The following NUDCD3 variants were observed in gnomAD, a reference collection of about 807,000 sequenced individuals.
NUDCD3 encodes NudC domain containing 3, also known as nudC domain-containing protein 3.
In NUDCD3, 13 loss-of-function variants were observed where a neutral mutation model predicts 39.7. The ratio of observed to expected loss-of-function variants is 0.33; its 90% CI spans 0.21 to 0.52. The LOEUF is 0.52. NUDCD3 is among the 20% of genes least tolerant of loss of function. The pLI is 0.96. For synonymous variants in NUDCD3, 175 were observed against 172.4 expected (o/e 1.02, Z -0.12); for missense variants, 453 against 458.1 (o/e 0.99, Z 0.10).
intron 2 of NUDCD3, among the ~76,000 whole-genome samples, chr7:44,449,313 A>T (rs931987049): frequency 1.3e-5 from 2 of 152,226 alleles, no homozygotes; most frequent in Non-Finnish European, 1.5e-5. Flanking sequence ...GGCATCAAAT[A>T]TCAGAGGAGA....
chr7:44,455,445 T>C (rs898096538), intron 2 of NUDCD3, among the ~76,000 whole-genome samples: 2 of 152,000 alleles, frequency 1.3e-5, no homozygotes, highest in African/African-American at 4.8e-5. Context: ...CACTGCATCC[T>C]CCCAGCCAGT....
At chr7:44,409,683 A>G (rs1263506984) in intron 3 of NUDCD3, among the ~76,000 whole-genome samples, 1 of 152,234 alleles carries the variant, frequency 6.6e-6, no homozygotes, top group African/African-American at 2.4e-5. Flanking sequence ...AGCAGAAAAC[A>G]GTCTCTAAAT....
At chr7:44,488,531 C>T (rs1800665462) in intron 1 of NUDCD3, among the ~76,000 whole-genome samples, 1 of 151,970 alleles carries the variant, frequency 6.6e-6, no homozygotes, top group South Asian at 2.1e-4. Context: ...TCTTCTCTCT[C>T]CCTCGGACCA....
At chr7:44,478,577 T>G (rs907847344) in intron 2 of NUDCD3, among the ~76,000 whole-genome samples, 1 of 152,096 alleles carries the variant, frequency 6.6e-6, no homozygotes, top group African/African-American at 2.4e-5. Flanking sequence ...ATAGGTTCCT[T>G]TAAGCCCTGG....
At chr7:44,404,855 T>G (rs1248641881) in intron 3 of NUDCD3, among the ~76,000 whole-genome samples, 1 of 152,168 alleles carries the variant, frequency 6.6e-6, no homozygotes, top group African/African-American at 2.4e-5. Context: ...TGTGACCCAA[T>G]CTTCTTCTCC....
chr7:44,400,775 C>T (rs1410564809), intron 4 of NUDCD3, among the ~76,000 whole-genome samples: 1 of 152,194 alleles, frequency 6.6e-6, no homozygotes, highest in African/African-American at 2.4e-5. Flanking sequence ...GCCCTATCTT[C>T]TCATGGCCTT....
At chr7:44,433,194 T>C (rs554234909) in intron 2 of NUDCD3, among the ~76,000 whole-genome samples, 1 of 152,300 alleles carries the variant, frequency 6.6e-6, no homozygotes, top group African/African-American at 2.4e-5. Context: ...CTGTGAGAAG[T>C]AAATTTCTCA....
At chr7:44,408,215 G>C (rs1798863979) in intron 3 of NUDCD3, among the ~76,000 whole-genome samples, 1 of 152,092 alleles carries the variant, frequency 6.6e-6, no homozygotes, top group Non-Finnish European at 1.5e-5. Flanking sequence ...TAAAATAAAT[G>C]CATTTTAAGA....
chr7:44,442,346 T>C (rs1330489630), intron 2 of NUDCD3, among the ~76,000 whole-genome samples: 2 of 152,204 alleles, frequency 1.3e-5, no homozygotes, highest in Non-Finnish European at 2.9e-5. Flanking sequence ...AAAAGGTCAA[T>C]GCACAGCTGC....
rs1051636815 is a variant in NUDCD3, at chr7:44,392,362, C to T, written c.910G>A (p.Val304Met). 1.2e-6 allele frequency: 2 copies of T among 1,614,216 alleles called. No individual in the cohort carries two copies. The highest frequency in any genetic ancestry group is 1.7e-4 in the Middle Eastern group (1 of 6,060). ...TAGTCAAAGGTAAGCCTGTCCAACACCGCCTGTTCCTCCTCATCCACGGTG... is the reference window on the plus strand; with the variant it reads ...TAGTCAAAGGTAAGCCTGTCCAACATCGCCTGTTCCTCCTCATCCACGGTG... The part of the protein sequence containing the change: ...MATVDEEEQA[V>M]LDRLTFDYHQ... Residue 304 changes from valine to methionine, a missense_variant, in exon 5 of 6, where the codon GTG becomes ATG. By Grantham distance (21) the Val-to-Met change is conservative. Transcript: ENST00000355451.
At chr7:44,472,256 AAAT>A (rs1280503052) in intron 2 of NUDCD3, among the ~76,000 whole-genome samples, 2 of 152,240 alleles carry the variant, frequency 1.3e-5, no homozygotes, top group African/African-American at 4.8e-5. Context: ...GTTGTTACTA[AAAT>A]ACTACTATAA....
At chr7:44,439,305 C>T (rs1799531457) in intron 2 of NUDCD3, among the ~76,000 whole-genome samples, 1 of 152,176 alleles carries the variant, frequency 6.6e-6, no homozygotes, top group Non-Finnish European at 1.5e-5. Context: ...ATGCAGGTGA[C>T]AGCTCATGTT....
chr7:44,455,310 C>T (rs1403821735), intron 2 of NUDCD3, among the ~76,000 whole-genome samples: 1 of 152,134 alleles, frequency 6.6e-6, no homozygotes, highest in Non-Finnish European at 1.5e-5. Flanking sequence ...TATGGCACTG[C>T]ACGGGGTCCT....
At chr7:44,424,191 C>A (rs1799192465) in intron 3 of NUDCD3, among the ~76,000 whole-genome samples, 1 of 152,122 alleles carries the variant, frequency 6.6e-6, no homozygotes, top group South Asian at 2.1e-4. Flanking sequence ...CATAAAAACC[C>A]TAGAAGAAAA....
At chr7:44,468,121 G>A in intron 2 of NUDCD3, 1 of 1,607,904 alleles carries the variant, frequency 6.2e-7, no homozygotes. Context: ...GTGGCTTCCG[G>A]AAGTTCCTGG....
chr7:44,457,902 T>C (rs1247774318), intron 2 of NUDCD3, among the ~76,000 whole-genome samples: 5 of 152,206 alleles, frequency 3.3e-5, no homozygotes, highest in African/African-American at 1.2e-4. Flanking sequence ...ATGGTGGAAC[T>C]GCTTTGGAAA....
intron 4 of NUDCD3, among the ~76,000 whole-genome samples, chr7:44,400,372 T>C (rs1798698640): frequency 6.6e-6 from 1 of 152,188 alleles, no homozygotes; most frequent in Admixed American, 6.5e-5. Flanking sequence ...GCAGGTTATG[T>C]GGAAGGCAGC....
intron 2 of NUDCD3, chr7:44,467,979 A>G (rs771940404): frequency 1.6e-5 from 26 of 1,611,846 alleles, no homozygotes; most frequent in East Asian, 2.2e-5. Context: ...TCAGACCAAT[A>G]TGTCAAAATT....
At chr7:44,430,806 C>G (rs944700632) in intron 2 of NUDCD3, among the ~76,000 whole-genome samples, 8 of 152,344 alleles carry the variant, frequency 5.3e-5, no homozygotes, top group African/African-American at 1.9e-4. Flanking sequence ...TCTGCCTCCT[C>G]CAGGGCAAAA....
Sources: allele counts gnomAD v4.1 joint callset (sites outside exome capture counted in the v4.1 genomes callset), GRCh38; gene constraint gnomAD v4.1.1; transcripts MANE v1.5; gene names NCBI Gene and HGNC (gene_info 2026-07-23, HGNC 2026-07-21).